SLC23A2: variants seen among roughly 807,000 people sequenced by gnomAD.
SLC23A2 encodes Na(+)/L-ascorbic acid transporter 2.
In SLC23A2, 36 loss-of-function variants were observed where a neutral mutation model predicts 73.3. That is an observed-to-expected ratio of 0.49 (90% CI 0.38 to 0.65). The LOEUF is 0.65. SLC23A2 is among the 30% of genes least tolerant of loss of function. SLC23A2 has a pLI of 0.00. For synonymous variants in SLC23A2, 343 were observed against 327.3 expected, an observed-to-expected ratio of 1.05 and a Z score of -0.52; for missense variants, 507 against 841.6, an observed-to-expected ratio of 0.60 and a Z score of 4.92.
At position 4,874,204 on chromosome 20, in the gene SLC23A2, A is replaced by T. The variant is rs1243060019; in HGVS notation, c.946-112T>A. On this transcript the variant is annotated intron_variant, in intron 10 of 16. Coordinates refer to ENST00000338244, the MANE Select transcript of SLC23A2 (RefSeq NM_005116.6). ...CACCCCAGAGCCCACCACAGTCAGT[A>T]CTTTGCAGACCTTCCTTGAATGGAC... 3 of 912,940 alleles carry T rather than the reference A, an allele frequency of 3.3e-6. No homozygotes were observed. The African/African-American group carries it at 5.8e-5, about 18-fold the overall frequency. 56.6% of individuals were successfully genotyped at this position (912,940 alleles called of 1,614,324 possible).
At chr20:4,937,194 G>A (rs886374828) in intron 2 of SLC23A2, among the ~76,000 whole-genome samples, 4 of 152,048 alleles carry the variant, frequency 2.6e-5, no homozygotes, top group Non-Finnish European at 5.9e-5. Flanking sequence ...AAATGCCAAG[G>A]TCCAGCGGCA....
chr20:4,987,705 G>T (rs1288433110), intron 1 of SLC23A2, among the ~76,000 whole-genome samples: 1 of 151,884 alleles, frequency 6.6e-6, no homozygotes, highest in Non-Finnish European at 1.5e-5. Flanking sequence ...AAAATTAGCC[G>T]GGCGTGGTAG....
At chr20:4,971,618 CAA>C (rs944620433) in intron 1 of SLC23A2, among the ~76,000 whole-genome samples, 16 of 60,060 alleles carry the variant, frequency 2.7e-4, no homozygotes, top group Non-Finnish European at 1.2e-4. Flanking sequence ...CTTGTCTCTA[CAA>C]AAAAAAAAAA....
chr20:4,866,807 T>A (rs956625056), intron 13 of SLC23A2, among the ~76,000 whole-genome samples: 6 of 152,098 alleles, frequency 3.9e-5, no homozygotes, highest in African/African-American at 1.4e-4. Flanking sequence ...TCCCTCCCAA[T>A]TTGACAGAGG....
chr20:5,004,765 C>T (rs975818456), upstream of SLC23A2, among the ~76,000 whole-genome samples: 5 of 152,046 alleles, frequency 3.3e-5, no homozygotes, highest in African/African-American at 7.2e-5. Flanking sequence ...TTTGGGAGGC[C>T]GAGGCAGGTG....
intron 3 of SLC23A2, among the ~76,000 whole-genome samples, chr20:4,913,623 G>T (rs1217546015): frequency 6.6e-6 from 1 of 151,942 alleles, no homozygotes; most frequent in African/African-American, 2.4e-5. Context: ...TGTTGTTGTT[G>T]TTGTTGTTTC....
At chr20:4,921,266 ACACT>A (rs986210163) in intron 3 of SLC23A2, among the ~76,000 whole-genome samples, 46 of 152,338 alleles carry the variant, frequency 3.0e-4, no homozygotes, top group African/African-American at 1.1e-3. Context: ...TTATAAAAGA[ACACT>A]CAAATACTTG....
At chr20:4,903,211 AT>A (rs1277730168) in intron 4 of SLC23A2, among the ~76,000 whole-genome samples, 6 of 152,208 alleles carry the variant, frequency 3.9e-5, no homozygotes, top group East Asian at 1.9e-4. Flanking sequence ...AGTAAAAAAA[AT>A]ATTTTAAAAC....
intron 2 of SLC23A2, among the ~76,000 whole-genome samples, chr20:4,966,991 G>C (rs6052998): frequency 6.6e-6 from 1 of 151,610 alleles, no homozygotes; most frequent in Non-Finnish European, 1.5e-5. Flanking sequence ...AGGAGGGAAG[G>C]AAGCAGATAT....
intron 1 of SLC23A2, among the ~76,000 whole-genome samples, chr20:4,989,409 G>A (rs1226838466): frequency 2.0e-5 from 3 of 152,026 alleles, no homozygotes; most frequent in Non-Finnish European, 4.4e-5. Flanking sequence ...TATATATAGT[G>A]AGATATCTTG....
chr20:4,998,390 A>G lies in SLC23A2; in HGVS notation c.-282+3016T>C, dbSNP rs1220527099. 6.6e-6 allele frequency among the ~76,000 whole-genome samples: 1 copy of G among 152,238 alleles called. No homozygotes were observed. Among genetic ancestry groups the G allele is most frequent in the Non-Finnish European group, 1.5e-5 (1 of 68,042 alleles). On this transcript the variant is annotated intron_variant, in intron 1 of 16. Coordinates refer to ENST00000338244, the MANE Select transcript of SLC23A2 (RefSeq NM_005116.6). The surrounding 1 kb of genome is among the most constrained non-coding windows in gnomAD (Gnocchi z 4.1). ...CAAGCTGAAAGCAGACCTCAATTAC[A>G]GGAGAGCCAAGAACCTAGAACCTGT...
In SLC23A2 at chr20:4,859,243, T is replaced by TAAAAAAA. The variant is rs781271986; in HGVS notation, c.1720+45_1720+46insTTTTTTT. ...TTTGGCAAAAAAAGTAACACATATG[T>TAAAAAAA]TAAAAAATAAAAAAAAAAAAAGTGT... On this transcript the variant is annotated intron_variant, in intron 16 of 16. Transcript: ENST00000338244. 22 of 1,076,266 alleles carry TAAAAAAA rather than the reference T, an allele frequency of 2.0e-5. 2 individuals are homozygous for TAAAAAAA. The highest frequency in any genetic ancestry group is 1.3e-4 in the African/African-American group (5 of 39,228). 66.7% of individuals were successfully genotyped at this position (1,076,266 alleles called of 1,614,324 possible). A position where few individuals can be genotyped will look rare whatever the true frequency, so the allele number is the denominator to read the frequency against.
Position 4,868,367 on chromosome 20 carries a change from C to T in SLC23A2, c.1251-492G>A, listed in dbSNP as rs142457725. ...GGGATTACAGGCGTGAGCCACTGTG[C>T]CCGGCCAGAATCTGCATTTTAACAG... On this transcript the variant is annotated intron_variant, in intron 12 of 16. Coordinates refer to ENST00000338244, the MANE Select transcript of SLC23A2 (RefSeq NM_005116.6). This position sits in a 1 kb window ranked among gnomAD's most constrained non-coding sequence, Gnocchi z 4.4. Among the ~76,000 whole-genome samples, 4,087 of 152,248 alleles carry T rather than the reference C, an allele frequency of 0.027. 187 individuals carry two copies. The highest frequency in any genetic ancestry group is 0.093 in the African/African-American group (3,865 of 41,532).
rs949808404 is a variant in SLC23A2 at position 4,858,110 on chromosome 20, C to G, written c.1721-906G>C. ...AACCAGTCACTGCACATTCACCCCC[C>G]CATCTAGACAGACCCACACTTCATG... On this transcript the variant is annotated intron_variant, in intron 16 of 16. Coordinates refer to ENST00000338244, the MANE Select transcript of SLC23A2 (RefSeq NM_005116.6). 5.3e-5 allele frequency among the ~76,000 whole-genome samples: 8 copies of G among 152,196 alleles called. 1 individual carries two copies. The highest frequency in any genetic ancestry group is 7.3e-5 in the Non-Finnish European group (5 of 68,030).
At chr20:4,962,668 A>T (rs2087411167) in intron 2 of SLC23A2, among the ~76,000 whole-genome samples, 1 of 152,222 alleles carries the variant, frequency 6.6e-6, no homozygotes, top group African/African-American at 2.4e-5. Context: ...GTGGCAGGCC[A>T]GGAGCCAACA....
At chr20:5,009,660 C>G (rs1245221967) in intron 1 of SLC23A2, among the ~76,000 whole-genome samples, 1 of 152,034 alleles carries the variant, frequency 6.6e-6, no homozygotes, top group Non-Finnish European at 1.5e-5. Flanking sequence ...TCCACCAAAC[C>G]AACAGGGGCT....
At chr20:4,936,944 G>T (rs1232630665) in intron 2 of SLC23A2, among the ~76,000 whole-genome samples, 1 of 152,156 alleles carries the variant, frequency 6.6e-6, no homozygotes, top group Non-Finnish European at 1.5e-5. Context: ...AAGGCGTCAG[G>T]GAAGAGGACT....
intron 2 of SLC23A2, among the ~76,000 whole-genome samples, chr20:4,961,290 C>T (rs1265856609): frequency 2.0e-5 from 3 of 152,030 alleles, no homozygotes; most frequent in East Asian, 1.9e-4. Flanking sequence ...ACCTTGTTAG[C>T]CAGGATGGTC....
chr20:4,919,948 T>C (rs1932448070), intron 3 of SLC23A2, among the ~76,000 whole-genome samples: 1 of 152,114 alleles, frequency 6.6e-6, no homozygotes, highest in African/African-American at 2.4e-5. Flanking sequence ...ACCTTACTCA[T>C]AAGAAGATAT....
Sources: allele counts gnomAD v4.1 joint callset (sites outside exome capture counted in the v4.1 genomes callset), GRCh38; gene constraint gnomAD v4.1.1; non-coding constraint Gnocchi (gnomAD v3.1); transcripts MANE v1.5; gene names NCBI Gene and HGNC (gene_info 2026-07-23, HGNC 2026-07-21).